Variants in PTGFRN observed in about 807,000 individuals in gnomAD.
PTGFRN encodes prostaglandin F2 receptor inhibitor.
PTGFRN carries 35 observed loss-of-function variants against 83.2 expected under a neutral mutation model. The observed-to-expected ratio is 0.42, with a 90% confidence interval of 0.32 to 0.56. The LOEUF (loss-of-function observed/expected upper bound fraction) is 0.56. Among genes scored for constraint, PTGFRN ranks in the 20% least tolerant of loss-of-function variants. The probability of loss-of-function intolerance (pLI) is 0.11; values close to 1 mark genes in which losing one functional copy is unlikely to be tolerated. For synonymous variants in PTGFRN, 519 were observed against 498.6 expected (o/e 1.04, Z -0.55); for missense variants, 1,051 against 1,179.5 (o/e 0.89, Z 1.60).
chr1:116,944,084 A>G (rs1650121970), intron 2 of PTGFRN, among the ~76,000 whole-genome samples: 1 of 152,162 alleles, frequency 6.6e-6, no homozygotes, highest in African/African-American at 2.4e-5. Context: ...TGTTCACCCT[A>G]GACATTCTTG....
At chr1:116,960,291 G>A (rs1399532741) in intron 4 of PTGFRN, among the ~76,000 whole-genome samples, 1 of 152,214 alleles carries the variant, frequency 6.6e-6, no homozygotes, top group Non-Finnish European at 1.5e-5. Flanking sequence ...GAGTAATCAG[G>A]TGTAGAGGAG....
At chr1:116,938,488 C>T (rs1187584060) in intron 1 of PTGFRN, among the ~76,000 whole-genome samples, 1 of 152,164 alleles carries the variant, frequency 6.6e-6, no homozygotes, top group Non-Finnish European at 1.5e-5. Flanking sequence ...CTTTTTATAA[C>T]CATCAGATCT....
At chr1:116,972,286 A>C (rs1470766316) in intron 6 of PTGFRN, among the ~76,000 whole-genome samples, 1 of 152,148 alleles carries the variant, frequency 6.6e-6, no homozygotes, top group Non-Finnish European at 1.5e-5. Context: ...CCATTCTGTC[A>C]ATTCTTTATC....
chr1:116,933,748 A>G (rs974296387), intron 1 of PTGFRN, among the ~76,000 whole-genome samples: 2 of 152,116 alleles, frequency 1.3e-5, no homozygotes, highest in African/African-American at 4.8e-5. Context: ...CACTTTAAAG[A>G]TGTCATTCTG....
At chr1:116,979,070 C>A (rs1373484377) in intron 7 of PTGFRN, among the ~76,000 whole-genome samples, 1 of 152,060 alleles carries the variant, frequency 6.6e-6, no homozygotes, top group Non-Finnish European at 1.5e-5. Flanking sequence ...TTCTTACACA[C>A]CAATAACAGA....
rs1418706932 is a variant in PTGFRN, at chr1:116,954,711, A to T, written c.1213+5139A>T. ...ATTTGATCATAGTAGGAGCCAGGCC[A>T]CGGAGCCAAAGCCTGTCCTATAATT... On this transcript the variant is annotated intron_variant, in intron 4 of 8. Coordinates refer to ENST00000393203, the MANE Select transcript of PTGFRN (RefSeq NM_020440.4). Among the ~76,000 whole-genome samples, 3 of 152,236 alleles carry T rather than the reference A, an allele frequency of 2.0e-5. No homozygotes were observed. In the East Asian group the frequency reaches 5.8e-4, roughly 29 times the overall value.
At chr1:116,956,044 A>T (rs953299435) in intron 4 of PTGFRN, among the ~76,000 whole-genome samples, 1 of 152,220 alleles carries the variant, frequency 6.6e-6, no homozygotes, top group African/African-American at 2.4e-5. Context: ...AACCATTTTT[A>T]AAATTGTAAA....
At chr1:116,910,713 C>T (rs1649248096) in intron 1 of PTGFRN, among the ~76,000 whole-genome samples, 1 of 152,166 alleles carries the variant, frequency 6.6e-6, no homozygotes, top group Non-Finnish European at 1.5e-5. Context: ...CCAACCCGCG[C>T]GGAGTTGCCT....
chr1:116,924,530 T>C (rs759647257), intron 1 of PTGFRN, among the ~76,000 whole-genome samples: 3 of 152,168 alleles, frequency 2.0e-5, no homozygotes, highest in Non-Finnish European at 4.4e-5. Context: ...TGGTTTTTAC[T>C]AGCCCCAAAG....
chr1:116,911,783 C>T (rs974811020), intron 1 of PTGFRN, among the ~76,000 whole-genome samples: 1 of 152,232 alleles, frequency 6.6e-6, no homozygotes, highest in Non-Finnish European at 1.5e-5. Flanking sequence ...GCTGGAATTA[C>T]AGGCATGCTC....
Position 116,941,604 on chromosome 1 carries a change from C to G in PTGFRN, c.50-111C>G. 1 of 1,394,930 alleles carries G rather than the reference C, an allele frequency of 7.2e-7. No homozygotes were observed. Among genetic ancestry groups the G allele is most frequent in the Non-Finnish European group, 9.6e-7 (1 of 1,036,486 alleles). The allele number at this position is 1,394,930 out of a possible 1,614,324, so 86.4% of individuals were successfully genotyped here. On this transcript the variant is annotated intron_variant, in intron 1 of 8. Coordinates refer to ENST00000393203, the MANE Select transcript of PTGFRN (RefSeq NM_020440.4). The surrounding 1 kb of genome is among the most constrained non-coding windows in gnomAD (Gnocchi z 5.0). ...AGATACATTTTCCCTAGTAGTTTGG[C>G]TGTCACGTTTCTGCCATGCCTGTGA...
intron 4 of PTGFRN, among the ~76,000 whole-genome samples, chr1:116,951,607 T>C (rs1252012807): frequency 1.3e-5 from 2 of 152,248 alleles, no homozygotes; most frequent in African/African-American, 4.8e-5. Flanking sequence ...TTCAGAGATA[T>C]TTGCCCCTGA....
At chr1:116,974,863 G>T (rs1651101821) in intron 7 of PTGFRN, among the ~76,000 whole-genome samples, 2 of 152,178 alleles carry the variant, frequency 1.3e-5, no homozygotes, top group Admixed American at 1.3e-4. Context: ...ACTGGGGCTT[G>T]TTGGGCAGTG....
chr1:116,957,601 C>G (rs1180702242), intron 4 of PTGFRN, among the ~76,000 whole-genome samples: 3 of 152,140 alleles, frequency 2.0e-5, no homozygotes, highest in Admixed American at 1.3e-4. Context: ...TCCATTACCT[C>G]ACATACCTAT....
chr1:116,961,172 A>T lies in PTGFRN; in HGVS notation c.1214-71A>T. The T allele has an allele frequency of 6.9e-7, 1 of 1,438,882 alleles. No individual in the cohort carries two copies. Among genetic ancestry groups the T allele is most frequent in the Non-Finnish European group, 9.3e-7 (1 of 1,077,078 alleles). 89.1% of individuals were successfully genotyped at this position (1,438,882 alleles called of 1,614,324 possible). A position where few individuals can be genotyped will look rare whatever the true frequency, so the allele number is the denominator to read the frequency against. On this transcript the variant is annotated intron_variant, in intron 4 of 8. Coordinates refer to ENST00000393203, the MANE Select transcript of PTGFRN (RefSeq NM_020440.4). The surrounding 1 kb of genome is among the most constrained non-coding windows in gnomAD (Gnocchi z 5.4). ...TTAAAACAAGAGCAGTCCTTGTCTC[A>T]TTCCTTTTGTTAATTCTTGCCATGT...
At chr1:116,964,027 G>C (rs973084927) in intron 5 of PTGFRN, among the ~76,000 whole-genome samples, 2 of 151,858 alleles carry the variant, frequency 1.3e-5, no homozygotes, top group Non-Finnish European at 2.9e-5. Flanking sequence ...CGATCCTCCT[G>C]CCTTAGTCGC....
intron 6 of PTGFRN, 47 bp from the exon 7 acceptor site, chr1:116,974,169 C>A: frequency 1.4e-6 from 2 of 1,423,778 alleles, no homozygotes; most frequent in Non-Finnish European, 2.0e-6. Context: ...TGGAATTTGA[C>A]AAAAGCATGA....
At chr1:116,944,442 C>T (rs1650134193) in intron 2 of PTGFRN, among the ~76,000 whole-genome samples, 1 of 152,236 alleles carries the variant, frequency 6.6e-6, no homozygotes, top group South Asian at 2.1e-4. Flanking sequence ...GCACGACTCC[C>T]ACAGGGAGTT....
intron 7 of PTGFRN, among the ~76,000 whole-genome samples, chr1:116,977,922 A>G (rs1024701874): frequency 9.2e-5 from 14 of 152,322 alleles, no homozygotes; most frequent in Non-Finnish European, 1.0e-4. Flanking sequence ...AAAAAAATCA[A>G]TGAATCCAGG....
Sources: allele counts gnomAD v4.1 joint callset (sites outside exome capture counted in the v4.1 genomes callset), GRCh38; gene constraint gnomAD v4.1.1; non-coding constraint Gnocchi (gnomAD v3.1); transcripts MANE v1.5; gene names NCBI Gene and HGNC (gene_info 2026-07-23, HGNC 2026-07-21).